ZNF638: variants seen among roughly 807,000 people sequenced by gnomAD.
ZNF638 encodes CTCL tumor antigen se33-1.
A neutral mutation model predicts 195.6 loss-of-function variants in ZNF638; 46 were observed. The observed-to-expected ratio is 0.24, with a 90% CI of 0.19 to 0.30. ZNF638 has a LOEUF of 0.30. ZNF638 is among the 10% of genes least tolerant of loss of function. The pLI is 1.00. For missense variants in ZNF638, 2,440 were observed against 2,325.3 expected (o/e 1.05, Z -1.01); for synonymous variants, 845 against 772.0 (o/e 1.09, Z -1.57).
At chr2:71,384,322 A>G (rs971473023) in intron 10 of ZNF638, among the ~76,000 whole-genome samples, 4 of 152,208 alleles carry the variant, frequency 2.6e-5, no homozygotes, top group African/African-American at 9.6e-5. Flanking sequence ...TTTAAAGCAG[A>G]TCTGATCATT....
At chr2:71,395,392 A>G (rs1163775900) in intron 10 of ZNF638, 4 of 687,632 alleles carry the variant, frequency 5.8e-6, no homozygotes, top group African/African-American at 1.8e-5. Context: ...GAAAAGTTAT[A>G]AGGAGAGACG....
chr2:71,366,104 C>G (rs1327424228), intron 6 of ZNF638, among the ~76,000 whole-genome samples: 1 of 152,208 alleles, frequency 6.6e-6, no homozygotes, highest in Non-Finnish European at 1.5e-5. Flanking sequence ...AATCCCAGCA[C>G]TTTGGGAGGC....
intron 8 of ZNF638, among the ~76,000 whole-genome samples, chr2:71,378,337 C>G (rs902117192): frequency 1.3e-5 from 2 of 152,078 alleles, no homozygotes; most frequent in Admixed American, 6.5e-5. Flanking sequence ...TAGAATAGCA[C>G]TAGAACTAAT....
intron 10 of ZNF638, among the ~76,000 whole-genome samples, chr2:71,384,866 CCATT>C (rs1469875030): frequency 1.3e-5 from 2 of 152,118 alleles, no homozygotes; most frequent in African/African-American, 2.4e-5. Context: ...GTGATTTACA[CCATT>C]CAGAGATCAC....
chr2:71,408,502 G>GTA (rs1421565050), intron 20 of ZNF638: 1 of 385,672 alleles, frequency 2.6e-6, no homozygotes, highest in Non-Finnish European at 4.7e-6. Flanking sequence ...ACATTTTTGT[G>GTA]TATAGTGACT....
rs1029773996 is a variant in ZNF638, at chr2:71,331,824, C to T, written c.-254C>T. The T allele has an allele frequency of 8.1e-6, 8 of 986,170 alleles. No homozygotes were observed. Among genetic ancestry groups the T allele is most frequent in the African/African-American group, 3.5e-5 (2 of 57,250 alleles). The allele number at this position is 986,170 out of a possible 1,614,324, so 61.1% of individuals were successfully genotyped here. A position where few individuals can be genotyped will look rare whatever the true frequency, so the allele number is the denominator to read the frequency against. ...CGGCGTCGAGACTGGAGGCTGAGTG[C>T]TAAACTGTGTGGGGCGCGGATGGGA... On this transcript the variant is annotated 5_prime_UTR_variant, in exon 1 of 28. Transcript: ENST00000264447.
chr2:71,390,420 C>G (rs983493774), intron 10 of ZNF638, among the ~76,000 whole-genome samples: 1 of 152,132 alleles, frequency 6.6e-6, no homozygotes, highest in Non-Finnish European at 1.5e-5. Flanking sequence ...TGGGATTGGT[C>G]CTAGGATGAT....
chr2:71,371,956 G>A (rs912921651), intron 8 of ZNF638, among the ~76,000 whole-genome samples: 1 of 151,988 alleles, frequency 6.6e-6, no homozygotes, highest in Non-Finnish European at 1.5e-5. Flanking sequence ...GTGTTTGTGG[G>A]GTATTACTGA....
At chr2:71,390,607 G>T (rs922025962) in intron 10 of ZNF638, among the ~76,000 whole-genome samples, 1 of 152,166 alleles carries the variant, frequency 6.6e-6, no homozygotes, top group African/African-American at 2.4e-5. Context: ...GAAAGAGGAA[G>T]GGAAGTTTTG....
intron 8 of ZNF638, among the ~76,000 whole-genome samples, 158 bp downstream of exon 8, chr2:71,370,163 C>T (rs1448152647): frequency 1.3e-5 from 2 of 152,158 alleles, no homozygotes; most frequent in East Asian, 3.9e-4. Context: ...TTAAAACTTC[C>T]TCATACATGT....
chr2:71,396,311 C>CT (rs2104415660), intron 11 of ZNF638, 120 bp downstream of exon 11: 1 of 733,970 alleles, frequency 1.4e-6, no homozygotes, highest in East Asian at 2.7e-5. Context: ...GCATGCTAAT[C>CT]TTTGAGATTT....
chr2:71,419,579 T>C (rs1265512561), intron 21 of ZNF638, among the ~76,000 whole-genome samples: 1 of 152,242 alleles, frequency 6.6e-6, no homozygotes, highest in Non-Finnish European at 1.5e-5. Flanking sequence ...ATAGGTTTGC[T>C]CTGTGTGTCA....
chr2:71,428,436 G>C (rs2080584470), intron 24 of ZNF638, 111 bp from the exon 25 acceptor site: 1 of 735,008 alleles, frequency 1.4e-6, no homozygotes, highest in Non-Finnish European at 2.2e-6. Flanking sequence ...TCCCAAATTT[G>C]GGTATTTTTT....
chr2:71,418,547 T>A, intron 20 of ZNF638, 55 bp from the exon 21 acceptor site: 1 of 1,248,834 alleles, frequency 8.0e-7, no homozygotes, highest in Non-Finnish European at 1.1e-6. Flanking sequence ...CTTTTATAGT[T>A]AAATATTTCA....
At chr2:71,383,942 A>G (rs1018469744) in intron 10 of ZNF638, among the ~76,000 whole-genome samples, 1 of 151,646 alleles carries the variant, frequency 6.6e-6, no homozygotes, top group Non-Finnish European at 1.5e-5. Flanking sequence ...CTTTAAGGAC[A>G]TCTCCCTTAC....
chr2:71,376,110 TAGC>T (rs1482731364), intron 8 of ZNF638: 1 of 152,356 alleles, frequency 6.6e-6, no homozygotes, highest in Non-Finnish European at 1.5e-5. Context: ...GTTGGTAAAG[TAGC>T]AGTGTAAGTC....
At chr2:71,400,350 AT>A in intron 14 of ZNF638, 127 bp from the exon 15 acceptor site, 1 of 1,074,360 alleles carries the variant, frequency 9.3e-7, no homozygotes, top group Non-Finnish European at 1.3e-6. Context: ...TTTTGTAGTC[AT>A]TTTGTACTAA....
In ZNF638 at chr2:71,349,842, A is replaced by T; in HGVS notation, c.888A>T (p.Leu296Phe). The change falls in exon 2 of 28, where the codon TTA (leucine) becomes TTT (phenylalanine). Residue 296 changes from leucine to phenylalanine, a missense_variant. Leu to Phe is a conservative substitution (Grantham distance 22, BLOSUM62 0). This residue lies in a region of ZNF638 where 305 missense variants were observed against 283.6 expected (regional missense o/e 1.08). Coordinates refer to ENST00000264447, the MANE Select transcript of ZNF638 (RefSeq NM_014497.5). ...SVESGTKMSG[L>F]HISGGQSVLE... ...AGAGTGGAACCAAGATGTCAGGCTT[A>T]CACATTTCAGGAGGACAGTCAGTCC... is the stretch of plus-strand genomic sequence containing the variant. 1 of 1,614,218 alleles carries T rather than the reference A, an allele frequency of 6.2e-7. No homozygotes were observed. Among genetic ancestry groups the T allele is most frequent in the Non-Finnish European group, 8.5e-7 (1 of 1,180,036 alleles).
intron 20 of ZNF638, among the ~76,000 whole-genome samples, chr2:71,409,531 A>G (rs984448908): frequency 2.6e-5 from 4 of 152,230 alleles, no homozygotes; most frequent in African/African-American, 9.6e-5. Flanking sequence ...AAAGAAGGCA[A>G]TATGTGTGTC....
Sources: allele counts gnomAD v4.1 joint callset (sites outside exome capture counted in the v4.1 genomes callset), GRCh38; gene constraint gnomAD v4.1.1; regional missense constraint gnomAD v4.1.1; transcripts MANE v1.5; gene names NCBI Gene and HGNC (gene_info 2026-07-23, HGNC 2026-07-21).